The following INTS4 variants were observed in gnomAD, a reference collection of about 807,000 sequenced individuals.
The protein encoded by INTS4 is integrator complex subunit 4, also known as MSTP093.
Under a neutral mutation model 119.5 loss-of-function variants are expected in INTS4, and 70 were observed. That is an observed-to-expected ratio of 0.59 (90% CI 0.48 to 0.71). The LOEUF is 0.71. Among genes scored for constraint, INTS4 ranks in the 30% least tolerant of loss-of-function variants. The pLI, the probability that INTS4 is intolerant of heterozygous loss-of-function variation, is 0.00. For synonymous variants in INTS4, 316 were observed against 419.6 expected (o/e 0.75, Z 3.02); for missense variants, 867 against 1,173.2 (o/e 0.74, Z 3.81).
chr11:77,940,350 G>A (rs1953900251), intron 9 of INTS4, among the ~76,000 whole-genome samples: 5 of 152,114 alleles, frequency 3.3e-5, no homozygotes, highest in Admixed American at 1.3e-4. Context: ...AGGAATGCTT[G>A]AGCCCAAGAG....
intron 8 of INTS4, among the ~76,000 whole-genome samples, chr11:77,951,245 G>A (rs1487309037): frequency 6.6e-6 from 1 of 152,094 alleles, no homozygotes; most frequent in Non-Finnish European, 1.5e-5. Context: ...ACCCAGTAAT[G>A]GGATTGCTGG....
rs535950608 is a variant in INTS4 at position 77,942,981 on chromosome 11, C to G, written c.919-1730G>C. Among the ~76,000 whole-genome samples the G allele has an allele frequency of 3.9e-4, 60 of 152,278 alleles. No homozygotes were observed. The South Asian group carries it at 0.012, about 31-fold the overall frequency. On this transcript the variant is annotated intron_variant, in intron 8 of 22. Transcript: ENST00000534064. ...TTTCTTTTGTTACATAGATCTGAGC[C>G]TATGTCATATCTAACATCCATTTAA... is the stretch of plus-strand genomic sequence containing the variant.
At chr11:77,970,393 T>C (rs561172754) in intron 4 of INTS4, among the ~76,000 whole-genome samples, 2 of 151,762 alleles carry the variant, frequency 1.3e-5, no homozygotes, top group East Asian at 1.9e-4. Context: ...AGTGACTCCA[T>C]CTGGGGAAAA....
At chr11:77,925,507 C>T (rs1344277324) in intron 11 of INTS4, among the ~76,000 whole-genome samples, 1 of 151,992 alleles carries the variant, frequency 6.6e-6, no homozygotes, top group Non-Finnish European at 1.5e-5. Context: ...CTGCAAAGCC[C>T]AATAAAGAGA....
At chr11:77,973,410 T>C (rs574604901) in intron 4 of INTS4, among the ~76,000 whole-genome samples, 43 of 152,316 alleles carry the variant, frequency 2.8e-4, no homozygotes, top group African/African-American at 7.9e-4. Context: ...TTCTTTTCTA[T>C]GCCTAATATC....
At chr11:77,983,841 A>G (rs1412141060) in intron 2 of INTS4, among the ~76,000 whole-genome samples, 1 of 152,196 alleles carries the variant, frequency 6.6e-6, no homozygotes, top group Non-Finnish European at 1.5e-5. Flanking sequence ...CAAAAAATTA[A>G]TAATAGAATT....
intron 19 of INTS4, among the ~76,000 whole-genome samples, chr11:77,893,546 G>A (rs1018470449): frequency 1.2e-4 from 19 of 152,160 alleles, no homozygotes; most frequent in African/African-American, 4.6e-4. Flanking sequence ...GAGTTCAAGG[G>A]TGCAGTGAGC....
chr11:77,965,195 G>C (rs1855446634), intron 4 of INTS4, among the ~76,000 whole-genome samples: 1 of 152,006 alleles, frequency 6.6e-6, no homozygotes, highest in Non-Finnish European at 1.5e-5. Context: ...GAGAATACAG[G>C]TGCAAGCCAC....
intron 4 of INTS4, among the ~76,000 whole-genome samples, chr11:77,973,886 A>C (rs1855834366): frequency 6.6e-6 from 1 of 152,152 alleles, no homozygotes; most frequent in Admixed American, 6.6e-5. Context: ...TTCATAAGTC[A>C]CTGGTCTGCA....
intron 15 of INTS4, among the ~76,000 whole-genome samples, chr11:77,910,449 G>T (rs1244697708): frequency 8.2e-5 from 12 of 146,560 alleles, no homozygotes; most frequent in African/African-American, 2.8e-4. Flanking sequence ...GTTGTGGGGT[G>T]GGGGAGGGGG....
chr11:77,917,818 G>T (rs1953239515), intron 15 of INTS4, among the ~76,000 whole-genome samples: 1 of 151,732 alleles, frequency 6.6e-6, no homozygotes, highest in Non-Finnish European at 1.5e-5. Context: ...CCTTTTGGTT[G>T]TTCCCCAATA....
At chr11:77,889,278 C>T (rs1952155416) in intron 21 of INTS4, among the ~76,000 whole-genome samples, 1 of 151,864 alleles carries the variant, frequency 6.6e-6, no homozygotes, top group South Asian at 2.1e-4. Context: ...CCATCATTCT[C>T]AGCAAACTAT....
At chr11:77,960,899 C>A in intron 5 of INTS4, 54 bp downstream of exon 5, 3 of 1,515,018 alleles carry the variant, frequency 2.0e-6, no homozygotes, top group Non-Finnish European at 2.7e-6. Context: ...TAGCTATAAA[C>A]TTAAAAAACA....
At chr11:77,968,632 G>A (rs2136608625) in intron 4 of INTS4, among the ~76,000 whole-genome samples, 1 of 152,180 alleles carries the variant, frequency 6.6e-6, no homozygotes, top group South Asian at 2.1e-4. Context: ...GTTTTAAAAT[G>A]GTTGACATGG....
downstream of INTS4, among the ~76,000 whole-genome samples, chr11:77,876,218 G>A (rs912140146): frequency 2.6e-5 from 4 of 152,122 alleles, no homozygotes; most frequent in African/African-American, 9.7e-5. Flanking sequence ...CTGGGTGCAT[G>A]CTAGACCACT....
At chr11:77,880,840 G>A (rs938852589) in intron 22 of INTS4, among the ~76,000 whole-genome samples, 2 of 151,976 alleles carry the variant, frequency 1.3e-5, no homozygotes, top group African/African-American at 2.4e-5. Flanking sequence ...GTTACTAGGG[G>A]GACTGAGGTG....
chr11:77,960,204 C>T lies in INTS4; in HGVS notation c.708+137G>A, dbSNP rs115715778. The T allele has an allele frequency of 1.5e-3, 925 of 600,766 alleles. 8 individuals are homozygous for T. In the African/African-American group the frequency reaches 0.016, roughly 10 times the overall value. 37.2% of individuals were successfully genotyped at this position (600,766 alleles called of 1,614,324 possible). ...CCTGAAAAGTATGTTTTGAATATGA[C>T]TTCACATCCATCCCAATCAACGCTG... On this transcript the variant is annotated intron_variant, in intron 6 of 22. Transcript: ENST00000534064.
intron 4 of INTS4, among the ~76,000 whole-genome samples, chr11:77,963,988 A>C (rs1027279176): frequency 1.3e-5 from 2 of 152,222 alleles, no homozygotes; most frequent in Admixed American, 1.3e-4. Context: ...GCAGATTCTA[A>C]TGTATACCCT....
intron 4 of INTS4, chr11:77,978,400 G>C (rs1266202776): frequency 1.3e-5 from 2 of 152,020 alleles, no homozygotes; most frequent in Non-Finnish European, 2.9e-5. Flanking sequence ...AATTCTACAG[G>C]GTTCTAGGGG....
Sources: gnomAD v4.1 joint callset for allele counts (sites outside exome capture counted in the v4.1 genomes callset) on GRCh38, gnomAD v4.1.1 for gene constraint, MANE v1.5 for transcripts, NCBI Gene and HGNC (gene_info 2026-07-23, HGNC 2026-07-21) for gene names.